Variants in FSD1L observed in about 807,000 individuals in gnomAD.
FSD1L encodes FSD1-like protein.
A neutral mutation model predicts 71.6 loss-of-function variants in FSD1L; 45 were observed. The observed-to-expected ratio is 0.63, with a 90% confidence interval of 0.49 to 0.81. FSD1L has a LOEUF of 0.81. Ranked by LOEUF, FSD1L falls within the 30% of genes least tolerant of loss-of-function variation. The pLI is 0.00. For missense variants in FSD1L, 561 were observed against 618.1 expected (o/e 0.91, Z 0.98); for synonymous variants, 197 against 207.2 (o/e 0.95, Z 0.42).
chr9:105,495,751 C>T (rs1237301582), intron 7 of FSD1L, among the ~76,000 whole-genome samples: 2 of 152,154 alleles, frequency 1.3e-5, no homozygotes, highest in South Asian at 2.1e-4. Flanking sequence ...CCGAGGCGGG[C>T]AGATCACAAG....
intron 13 of FSD1L, among the ~76,000 whole-genome samples, chr9:105,539,903 T>C (rs1207883757): frequency 6.6e-6 from 1 of 152,138 alleles, no homozygotes; most frequent in East Asian, 1.9e-4. Flanking sequence ...TAGTTGGATA[T>C]GTGGGTGGTT....
At chr9:105,535,902 G>A (rs1327351) in intron 12 of FSD1L, among the ~76,000 whole-genome samples, 16,651 of 152,138 alleles carry the variant, frequency 0.11, 1,184 homozygotes, top group Admixed American at 0.21. Context: ...CACTTGAAAC[G>A]AATGGAATGT....
chr9:105,473,204 G>A (rs1831585841), intron 5 of FSD1L: 1 of 152,230 alleles, frequency 6.6e-6, no homozygotes, highest in Non-Finnish European at 1.5e-5. Context: ...CTACTCGAAG[G>A]CTGAGATGGG....
intron 5 of FSD1L, chr9:105,472,385 A>T (rs939030226): frequency 5.6e-6 from 1 of 177,304 alleles, no homozygotes; most frequent in African/African-American, 2.3e-5. Flanking sequence ...TACTTAAGGG[A>T]TATGTTTAGT....
At chr9:105,462,563 G>T (rs1459967962) in intron 2 of FSD1L, among the ~76,000 whole-genome samples, 11 of 109,024 alleles carry the variant, frequency 1.0e-4, no homozygotes, top group Middle Eastern at 6.8e-3. Flanking sequence ...TTGCTCTGTT[G>T]CCCAGGCTGG....
chr9:105,542,110 A>G (rs571769544), intron 13 of FSD1L, among the ~76,000 whole-genome samples: 2 of 152,336 alleles, frequency 1.3e-5, no homozygotes, highest in African/African-American at 2.4e-5. Context: ...CCCTTGGGTA[A>G]ATACCTAAGA....
chr9:105,522,326 T>G (rs1457258915), intron 10 of FSD1L: 2 of 1,613,830 alleles, frequency 1.2e-6, no homozygotes, highest in Middle Eastern at 1.6e-4. Flanking sequence ...ATAAGCTGAG[T>G]GAACAGAAAC....
At chr9:105,543,702 G>C (rs1185071435) in intron 13 of FSD1L, among the ~76,000 whole-genome samples, 1 of 152,082 alleles carries the variant, frequency 6.6e-6, no homozygotes, top group African/African-American at 2.4e-5. Context: ...TTGTCCCTGC[G>C]ATAGTTTGCT....
chr9:105,481,179 G>GTGTGTGTGTGGGT (rs71364100), intron 6 of FSD1L, among the ~76,000 whole-genome samples: 4 of 115,384 alleles, frequency 3.5e-5, no homozygotes, highest in Non-Finnish European at 7.3e-5. Flanking sequence ...GTGTGTGTGT[G>GTGTGTGTGTGGGT]GTTCTTTTTT....
chr9:105,530,881 G>A (rs562006624), intron 10 of FSD1L: 1 of 298,730 alleles, frequency 3.3e-6, no homozygotes, highest in African/African-American at 2.2e-5. Flanking sequence ...ACTCAGCTGA[G>A]CTCATTCTAG....
chr9:105,464,910 G>A (rs541582949), intron 3 of FSD1L, among the ~76,000 whole-genome samples: 5 of 152,260 alleles, frequency 3.3e-5, no homozygotes, highest in South Asian at 2.1e-4. Context: ...AGCCCAGGAC[G>A]TCGAGGCTGC....
chr9:105,521,284 T>A, intron 10 of FSD1L: 1 of 1,614,218 alleles, frequency 6.2e-7, no homozygotes. Context: ...GCTAGTTTAG[T>A]ATCCAGAGAA....
At chr9:105,525,731 A>G in intron 10 of FSD1L, 6 of 1,603,164 alleles carry the variant, frequency 3.7e-6, no homozygotes, top group South Asian at 3.3e-5. Context: ...ATTCTCACCA[A>G]TACAGGAGGA....
intron 7 of FSD1L, among the ~76,000 whole-genome samples, chr9:105,495,881 A>G (rs376796592): frequency 4.0e-5 from 6 of 151,894 alleles, no homozygotes; most frequent in Non-Finnish European, 7.4e-5. Context: ...AGGCTGAGGC[A>G]GAATGGCATG....
At chr9:105,481,252 A>G (rs796880631) in intron 6 of FSD1L, among the ~76,000 whole-genome samples, 8 of 92,122 alleles carry the variant, frequency 8.7e-5, no homozygotes, top group African/African-American at 3.0e-4. Context: ...CAGAATTTTT[A>G]CTTCCTGCCC....
At chr9:105,466,365 C>T (rs1254856473) in intron 3 of FSD1L, among the ~76,000 whole-genome samples, 3 of 152,070 alleles carry the variant, frequency 2.0e-5, no homozygotes, top group Admixed American at 1.3e-4. Context: ...TCATTTTCCA[C>T]AGAAATAGAA....
chr9:105,486,091 A>C (rs1404084524), intron 7 of FSD1L, among the ~76,000 whole-genome samples: 1 of 152,206 alleles, frequency 6.6e-6, no homozygotes, highest in African/African-American at 2.4e-5. Context: ...GGGGTAGCAC[A>C]AGTGAAATAC....
At chr9:105,521,500 G>T (rs1288261814) in intron 10 of FSD1L, 3 of 1,613,884 alleles carry the variant, frequency 1.9e-6, no homozygotes, top group African/African-American at 1.3e-5. Flanking sequence ...GAGATATTTC[G>T]TCAGGCATTT....
At chr9:105,522,266 A>C in intron 10 of FSD1L, 1 of 1,613,616 alleles carries the variant, frequency 6.2e-7, no homozygotes, top group Admixed American at 1.7e-5. Flanking sequence ...CATTAACTAA[A>C]GTTTTAGCTA....
Sources: gnomAD v4.1 joint callset for allele counts (sites outside exome capture counted in the v4.1 genomes callset) on GRCh38, gnomAD v4.1.1 for gene constraint, MANE v1.5 for transcripts, NCBI Gene and HGNC (gene_info 2026-07-23, HGNC 2026-07-21) for gene names.